The following FRAS1 variants were observed in gnomAD, a reference collection of about 807,000 sequenced individuals.
The protein encoded by FRAS1 is Fraser extracellular matrix complex subunit 1.
In FRAS1, 290 loss-of-function variants were observed where a neutral mutation model predicts 435.2. The ratio of observed to expected loss-of-function variants is 0.67; its 90% CI spans 0.61 to 0.73. FRAS1 has a LOEUF of 0.73. Among genes scored for constraint, FRAS1 ranks in the 30% least tolerant of loss-of-function variants. FRAS1 has a pLI of 0.00. For synonymous variants in FRAS1, 1,800 were observed against 1,851.0 expected, an observed-to-expected ratio of 0.97 and a Z score of 0.71; for missense variants, 4,860 against 5,001.5, an observed-to-expected ratio of 0.97 and a Z score of 0.85.
chr4:78,230,325 C>G (rs887067340), intron 2 of FRAS1, among the ~76,000 whole-genome samples: 1 of 152,308 alleles, frequency 6.6e-6, no homozygotes, highest in South Asian at 2.1e-4. Context: ...CCTGTATTTG[C>G]TCCTCCTGAA....
At chr4:78,267,521 G>A in intron 9 of FRAS1, 89 bp downstream of exon 9, 1 of 1,232,066 alleles carries the variant, frequency 8.1e-7, no homozygotes, top group Admixed American at 2.3e-5. Context: ...CTTCTTGGCA[G>A]CAGCAGGGAT....
intron 2 of FRAS1, among the ~76,000 whole-genome samples, chr4:78,121,299 T>A (rs1413772445): frequency 6.6e-6 from 1 of 152,234 alleles, no homozygotes; most frequent in Non-Finnish European, 1.5e-5. Context: ...CTATTTGGTC[T>A]GGTGCCTGAC....
chr4:78,195,273 G>A (rs1232065921), intron 2 of FRAS1, among the ~76,000 whole-genome samples: 1 of 152,222 alleles, frequency 6.6e-6, no homozygotes, highest in African/African-American at 2.4e-5. Context: ...GCTGCGTGCT[G>A]GGAGAACCAC....
At chr4:78,512,740 C>A (rs1485576359) in intron 64 of FRAS1, among the ~76,000 whole-genome samples, 1 of 152,104 alleles carries the variant, frequency 6.6e-6, no homozygotes, top group African/African-American at 2.4e-5. Context: ...CCAAAGGCTG[C>A]CTAAGAGCTG....
At chr4:78,089,462 A>T (rs1049115852) in intron 2 of FRAS1, among the ~76,000 whole-genome samples, 1 of 152,154 alleles carries the variant, frequency 6.6e-6, no homozygotes, top group Non-Finnish European at 1.5e-5. Flanking sequence ...ACAGTATGTT[A>T]AGAAATGTCA....
intron 26 of FRAS1, among the ~76,000 whole-genome samples, chr4:78,377,285 GA>G (rs570441718): frequency 6.6e-5 from 10 of 152,114 alleles, no homozygotes; most frequent in Non-Finnish European, 1.5e-4. Flanking sequence ...TTCCCCATGG[GA>G]AAAAATATTT....
chr4:78,256,216 A>G (rs1308636023), intron 6 of FRAS1, among the ~76,000 whole-genome samples: 3 of 152,262 alleles, frequency 2.0e-5, no homozygotes, highest in Non-Finnish European at 4.4e-5. Context: ...GAAATGCTAA[A>G]TGCCAAATAA....
intron 14 of FRAS1, among the ~76,000 whole-genome samples, chr4:78,296,690 G>T (rs570437925): frequency 2.9e-4 from 44 of 152,320 alleles, no homozygotes; most frequent in Admixed American, 1.9e-3. Flanking sequence ...AATCCCTGCA[G>T]GCTGTAATTC....
At chr4:78,210,308 G>T (rs1455485793) in intron 2 of FRAS1, among the ~76,000 whole-genome samples, 1 of 152,168 alleles carries the variant, frequency 6.6e-6, no homozygotes, top group Non-Finnish European at 1.5e-5. Flanking sequence ...CTCATTCTAA[G>T]CCACTCATAC....
intron 71 of FRAS1, among the ~76,000 whole-genome samples, chr4:78,535,706 C>A (rs1721860442): frequency 6.6e-6 from 1 of 152,160 alleles, no homozygotes; most frequent in Non-Finnish European, 1.5e-5. Context: ...TTAAAATAGC[C>A]CCTACCAGGT....
At chr4:78,392,772 AG>A (rs1732501613) in intron 29 of FRAS1, among the ~76,000 whole-genome samples, 1 of 152,006 alleles carries the variant, frequency 6.6e-6, no homozygotes, top group South Asian at 2.1e-4. Flanking sequence ...TTGAACTGGC[AG>A]GGATATATAC....
intron 47 of FRAS1, among the ~76,000 whole-genome samples, chr4:78,460,428 CG>C (rs1719335320): frequency 6.6e-6 from 1 of 152,076 alleles, no homozygotes; most frequent in African/African-American, 2.4e-5. Flanking sequence ...GCTGTGACAG[CG>C]GTAGGGACAA....
chr4:78,146,264 A>T (rs767231234), intron 2 of FRAS1, among the ~76,000 whole-genome samples: 4 of 152,138 alleles, frequency 2.6e-5, no homozygotes, highest in African/African-American at 4.8e-5. Flanking sequence ...TACTTTTAAT[A>T]CTTTTAGCTC....
chr4:78,542,535 C>T lies in FRAS1; in HGVS notation c.*1411C>T, dbSNP rs1190112803. 6.6e-6 allele frequency: 1 copy of T among 152,634 alleles called. No individual in the cohort carries two copies. The highest frequency in any genetic ancestry group is 1.5e-5 in the Non-Finnish European group (1 of 68,032). 9.5% of individuals were successfully genotyped at this position (152,634 alleles called of 1,614,324 possible). A position where few individuals can be genotyped will look rare whatever the true frequency, so the allele number is the denominator to read the frequency against. On this transcript the variant is annotated 3_prime_UTR_variant, in exon 74 of 74. Transcript: ENST00000512123. Reference sequence around the variant, plus strand: ...ATAGTCACCAAGCAAATAACAGAGCCTTCACATTGTGTAATATTTGTATGA... The same window carrying T: ...ATAGTCACCAAGCAAATAACAGAGCTTTCACATTGTGTAATATTTGTATGA...
intron 2 of FRAS1, among the ~76,000 whole-genome samples, chr4:78,105,747 A>G (rs1431718342): frequency 6.6e-6 from 1 of 152,038 alleles, no homozygotes; most frequent in Admixed American, 6.6e-5. Flanking sequence ...AGGAGGAGCC[A>G]AGATGGCCGA....
chr4:78,307,008 G>T (rs1368729003), intron 14 of FRAS1, among the ~76,000 whole-genome samples: 2 of 152,102 alleles, frequency 1.3e-5, no homozygotes, highest in Admixed American at 1.3e-4. Context: ...ATCTACTTTT[G>T]GTCTTTGATG....
intron 15 of FRAS1, among the ~76,000 whole-genome samples, chr4:78,311,956 G>C (rs1729042997): frequency 6.6e-6 from 1 of 151,896 alleles, no homozygotes; most frequent in Non-Finnish European, 1.5e-5. Flanking sequence ...ATAGATAGTA[G>C]CCTTTTTTCA....
intron 6 of FRAS1, among the ~76,000 whole-genome samples, chr4:78,256,041 G>A (rs913924576): frequency 1.3e-5 from 2 of 152,174 alleles, no homozygotes; most frequent in Non-Finnish European, 2.9e-5. Flanking sequence ...AAAGGAGTTT[G>A]CCTCCAGTCA....
At position 78,435,941 on chromosome 4, in the gene FRAS1, T is replaced by C. The variant is rs144775330; in HGVS notation, c.5218-2629T>C. Among the ~76,000 whole-genome samples the C allele has an allele frequency of 2.1e-4, 32 of 152,272 alleles. No individual in the cohort carries two copies. In the East Asian group the frequency reaches 6.2e-3, roughly 29 times the overall value. ...TAAAATTTTACAAATCTTTGTAGAA[T>C]ATAAGTTAATATTTTTTATGATATT... On this transcript the variant is annotated intron_variant, in intron 38 of 73. Transcript: ENST00000512123.
Sources: allele counts gnomAD v4.1 joint callset (sites outside exome capture counted in the v4.1 genomes callset), GRCh38; gene constraint gnomAD v4.1.1; transcripts MANE v1.5; gene names NCBI Gene and HGNC (gene_info 2026-07-23, HGNC 2026-07-21).